JAK3: variants seen among roughly 807,000 people sequenced by gnomAD.
JAK3 encodes the protein tyrosine-protein kinase JAK3.
JAK3 carries 88 observed loss-of-function variants against 120.8 expected under a neutral mutation model. The observed-to-expected ratio is 0.73, with a 90% CI of 0.61 to 0.87. The LOEUF is 0.87. Among genes scored for constraint, JAK3 ranks in the 40% least tolerant of loss-of-function variants. JAK3 has a pLI of 0.00. For missense variants in JAK3, 1,254 were observed against 1,501.4 expected (o/e 0.84, Z 2.72); for synonymous variants, 592 against 628.6 (o/e 0.94, Z 0.87).
At position 17,831,853 on chromosome 19, in the gene JAK3, C is replaced by T; in HGVS notation, c.2681-55G>A. ...GCCCAGCCCTGCTCGTCCCCCCATT[C>T]TTCCCCCCTTTCACAGTGGGACCTT... On this transcript the variant is annotated intron_variant, in intron 19 of 23. Transcript: ENST00000458235. The surrounding 1 kb of genome is among the most constrained non-coding windows in gnomAD (Gnocchi z 5.1). The T allele has an allele frequency of 6.2e-7, 1 of 1,604,116 alleles. No homozygotes were observed. Among genetic ancestry groups the T allele is most frequent in the Non-Finnish European group, 8.5e-7 (1 of 1,174,330 alleles).
In JAK3 at chr19:17,831,152, A is replaced by AGGGGGCGGGGGCATGGCT; in HGVS notation, c.2978+58_2978+75dup. 1 of 1,314,346 alleles carries AGGGGGCGGGGGCATGGCT rather than the reference A, an allele frequency of 7.6e-7. No individual in the cohort carries two copies. The allele number at this position is 1,314,346 out of a possible 1,614,324, so 81.4% of individuals were successfully genotyped here. A position where few individuals can be genotyped will look rare whatever the true frequency, so the allele number is the denominator to read the frequency against. ...TAAGGCTGGGGAGCAAAGCAGCGGG[A>AGGGGGCGGGGGCATGGCT]GGGGGCGGGGGCATGGCTGGGGGCG... On this transcript the variant is annotated intron_variant, in intron 21 of 23. Transcript: ENST00000458235. The surrounding 1 kb of genome is among the most constrained non-coding windows in gnomAD (Gnocchi z 5.1).
chr19:17,837,101 G>T (rs2094225917), intron 13 of JAK3, 28 bp downstream of exon 13: 7 of 1,477,468 alleles, frequency 4.7e-6, no homozygotes, highest in Non-Finnish European at 6.5e-6. Context: ...TGAGGCAGGG[G>T]TGGGGTGGGT....
At position 17,826,473 on chromosome 19, in the gene JAK3, G is replaced by A. The variant is rs201072333; in HGVS notation, c.*270C>T. ...AGGGCTTAAGGGGTTGGGAAGATGC[G>A]AGAGTCTTAAATTTGGTTCCTTGCT... On this transcript the variant is annotated 3_prime_UTR_variant, in exon 24 of 24. Transcript: ENST00000458235. 21 of 529,730 alleles carry A rather than the reference G, an allele frequency of 4.0e-5. No individual in the cohort carries two copies. Among genetic ancestry groups the A allele is most frequent in the East Asian group, 9.5e-5 (3 of 31,534 alleles). 32.8% of individuals were successfully genotyped at this position (529,730 alleles called of 1,614,324 possible).
At chr19:17,833,542 G>GAAAA (rs58330868) in intron 17 of JAK3, among the ~76,000 whole-genome samples, 1 of 74,632 alleles carries the variant, frequency 1.3e-5, no homozygotes, top group Admixed American at 1.7e-4. Context: ...CCCCATCACA[G>GAAAA]AAAAAAAAAA....
chr19:17,831,114 G>A lies in JAK3; in HGVS notation c.2978+114C>T. On this transcript the variant is annotated intron_variant, in intron 21 of 23. Coordinates refer to ENST00000458235, the MANE Select transcript of JAK3 (RefSeq NM_000215.4). The surrounding 1 kb of genome is among the most constrained non-coding windows in gnomAD (Gnocchi z 5.1). ...TGGGAGGGGCCAAAGCTGCAGCGGA[G>A]GAAGGGCGGGGCTAAGGCTGGGGAG... The A allele has an allele frequency of 1.7e-6, 2 of 1,145,816 alleles. No homozygotes were observed. Among genetic ancestry groups the A allele is most frequent in the Non-Finnish European group, 2.5e-6 (2 of 810,934 alleles). 71.0% of individuals were successfully genotyped at this position (1,145,816 alleles called of 1,614,324 possible). A position where few individuals can be genotyped will look rare whatever the true frequency, so the allele number is the denominator to read the frequency against.
Position 17,840,314 on chromosome 19 carries a change from C to G in JAK3, c.1170G>C (p.Lys390Asn), listed in dbSNP as rs1194175039. ...AGGAGCCAGGACGTGAGCCCCCAGT[C>G]TTGAGCTTGTTGATGGCAAAGTCCA... The part of the protein sequence containing the change: ...ITLDFAINKL[K>N]TGGSRPGSYV... The change falls in exon 9 of 24, where the codon AAG becomes AAC. Residue 390 changes from lysine (K) to asparagine (N), a missense_variant. Coordinates refer to ENST00000458235, the MANE Select transcript of JAK3 (RefSeq NM_000215.4). 6.2e-7 allele frequency: 1 copy of G among 1,613,738 alleles called. No homozygotes were observed. The highest frequency in any genetic ancestry group is 2.2e-5 in the East Asian group (1 of 44,884).
chr19:17,834,510 C>T (rs1568402600), intron 17 of JAK3, 61 bp downstream of exon 17: 2 of 1,604,718 alleles, frequency 1.2e-6, no homozygotes, highest in African/African-American at 1.3e-5. Context: ...AAACCACGCT[C>T]CTTCCACTGG....
At chr19:17,829,881 C>A in intron 23 of JAK3, 1 of 616,256 alleles carries the variant, frequency 1.6e-6, no homozygotes, top group Non-Finnish European at 2.9e-6. Context: ...TCTTCCCTCA[C>A]CCTATAAGGC....
rs745373403 is a variant in JAK3, at chr19:17,840,325, T to C, written c.1159A>G (p.Asn387Asp). 6.2e-7 allele frequency: 1 copy of C among 1,613,444 alleles called. No individual in the cohort carries two copies. Among genetic ancestry groups the C allele is most frequent in the Non-Finnish European group, 8.5e-7 (1 of 1,179,642 alleles). ...HGPITLDFAI[N>D]KLKTGGSRPG... ...CGTGAGCCCCCAGTCTTGAGCTTGT[T>C]GATGGCAAAGTCCAGACTGTGGGGG... The change falls in exon 9 of 24, where the codon AAC becomes GAC. Residue 387 changes from asparagine to aspartate, a missense_variant. This residue lies in a region of JAK3 where 486 missense variants were observed against 503.0 expected (regional missense o/e 0.97). Transcript: ENST00000458235.
In JAK3 at chr19:17,841,562, G is replaced by T. The variant is rs754655050; in HGVS notation, c.985-16C>A. ...ACTCGGCCTCCTGCGAGGGACAAGC[G>T]TCAGAGCCCAGTGAAACCCGAGGGT... On this transcript the variant is annotated splice_polypyrimidine_tract_variant and intron_variant, in intron 7 of 23. Transcript: ENST00000458235. The surrounding 1 kb of genome is among the most constrained non-coding windows in gnomAD (Gnocchi z 4.1). 2 of 1,601,590 alleles carry T rather than the reference G, an allele frequency of 1.2e-6. No homozygotes were observed. Among genetic ancestry groups the T allele is most frequent in the East Asian group, 2.3e-5 (1 of 44,290 alleles).
chr19:17,832,467 A>G lies in JAK3; in HGVS notation c.2680+52T>C, dbSNP rs138631124. ...GCCTGGCAGGAGGGTAAGAATGTGC[A>G]CTTTGAAAAGCACCCATACGTCTTG... is the stretch of plus-strand genomic sequence containing the variant. On this transcript the variant is annotated intron_variant, in intron 19 of 23. Coordinates refer to ENST00000458235, the MANE Select transcript of JAK3 (RefSeq NM_000215.4). The surrounding 1 kb of genome is among the most constrained non-coding windows in gnomAD (Gnocchi z 4.7). 4.1e-3 allele frequency: 6,463 copies of G among 1,580,964 alleles called. 22 individuals are homozygous for G. The highest frequency in any genetic ancestry group is 6.1e-3 in the Middle Eastern group (37 of 6,024).
rs774617464 is a variant in JAK3, at chr19:17,840,341, A to C, written c.1143T>G (p.Thr381=). 1.2e-5 allele frequency: 20 copies of C among 1,605,536 alleles called. No individual in the cohort carries two copies. The highest frequency in any genetic ancestry group is 1.7e-5 in the Non-Finnish European group (20 of 1,172,638). ...TGAGCTTGTTGATGGCAAAGTCCAG[A>C]CTGTGGGGGAAGGTGAGAGGGAATG... ...EVAEQCHGPI[T]LDFAINKLKT... is the part of the protein sequence containing the mutation. The change falls in exon 9 of 24, where the codon ACT becomes ACG. Residue 381 remains threonine (T), a splice_region_variant and synonymous_variant. Transcript: ENST00000458235.
At chr19:17,836,628 T>TC in intron 13 of JAK3, 1 of 393,092 alleles carries the variant, frequency 2.5e-6, no homozygotes, top group Non-Finnish European at 4.8e-6. Context: ...AGAACACCCC[T>TC]CTTCCTTTCC....
Position 17,840,324 on chromosome 19 carries a change from T to G in JAK3, c.1160A>C (p.Asn387Thr), listed in dbSNP as rs1309348650. 1.9e-6 allele frequency: 3 copies of G among 1,613,294 alleles called. No individual in the cohort carries two copies. The East Asian group carries it at 6.7e-5, about 36-fold the overall frequency. ...ACGTGAGCCCCCAGTCTTGAGCTTG[T>G]TGATGGCAAAGTCCAGACTGTGGGG... ...HGPITLDFAI[N>T]KLKTGGSRPG... The change falls in exon 9 of 24, where the codon AAC becomes ACC. Residue 387 changes from asparagine (N) to threonine (T), a missense_variant. Asn to Thr is a moderately conservative substitution (Grantham distance 65). This residue lies in a region of JAK3 where 486 missense variants were observed against 503.0 expected (regional missense o/e 0.97). Coordinates refer to ENST00000458235, the MANE Select transcript of JAK3 (RefSeq NM_000215.4).
Position 17,842,697 on chromosome 19 carries a change from G to T in JAK3, c.567-87C>A. 5 of 1,367,342 alleles carry T rather than the reference G, an allele frequency of 3.7e-6. No individual in the cohort carries two copies. The highest frequency in any genetic ancestry group is 4.9e-6 in the Non-Finnish European group (5 of 1,021,832). The allele number at this position is 1,367,342 out of a possible 1,614,324, so 84.7% of individuals were successfully genotyped here. A position where few individuals can be genotyped will look rare whatever the true frequency, so the allele number is the denominator to read the frequency against. ...CACACAAACCCAGGCTTTAGCCCAG[G>T]GGCTGGGGTGCGGCCCTAGTTGGGG... On this transcript the variant is annotated intron_variant, in intron 5 of 23. Transcript: ENST00000458235. The surrounding 1 kb of genome is among the most constrained non-coding windows in gnomAD (Gnocchi z 6.4).
rs71164315 is a variant in JAK3, at chr19:17,839,738, CTTTTTTTTT to C, written c.1255-84_1255-76del. On this transcript the variant is annotated intron_variant, in intron 9 of 23. Transcript: ENST00000458235. ...TTCTCAGTCCTTCTTCCTTTTTTTT[CTTTTTTTTT>C]TTTTTTTTTTGGAGACGGAGTCTGG... 6.7e-3 allele frequency: 5,310 copies of C among 796,154 alleles called. 29 individuals carry two copies. The highest frequency in any genetic ancestry group is 8.2e-3 in the Non-Finnish European group (4,301 of 525,188). The allele number at this position is 796,154 out of a possible 1,614,324, so 49.3% of individuals were successfully genotyped here.
chr19:17,843,646 C>G lies in JAK3; in HGVS notation c.308+131G>C. ...TGTGACCTTGGGCAAGTGACCCACC[C>G]TCTCTGGTCTGTTTCCTCATCTGAG... On this transcript the variant is annotated intron_variant, in intron 3 of 23. Coordinates refer to ENST00000458235, the MANE Select transcript of JAK3 (RefSeq NM_000215.4). The surrounding 1 kb of genome is among the most constrained non-coding windows in gnomAD (Gnocchi z 5.4). 4 of 1,336,500 alleles carry G rather than the reference C, an allele frequency of 3.0e-6. No individual in the cohort carries two copies. The highest frequency in any genetic ancestry group is 4.3e-6 in the Non-Finnish European group (4 of 929,238). The allele number at this position is 1,336,500 out of a possible 1,614,324, so 82.8% of individuals were successfully genotyped here.
intron 17 of JAK3, among the ~76,000 whole-genome samples, chr19:17,833,825 C>T (rs1472033544): frequency 6.6e-6 from 1 of 151,890 alleles, no homozygotes; most frequent in African/African-American, 2.4e-5. Flanking sequence ...TGCACTCCAG[C>T]CTAGGTGACA....
At chr19:17,837,711 G>A (rs527562804) in intron 12 of JAK3, among the ~76,000 whole-genome samples, 24 of 150,860 alleles carry the variant, frequency 1.6e-4, no homozygotes, top group Admixed American at 4.6e-4. Context: ...CACCGCGCCC[G>A]GCCTAAAATT....
Sources: allele counts gnomAD v4.1 joint callset (sites outside exome capture counted in the v4.1 genomes callset), GRCh38; gene constraint gnomAD v4.1.1; regional missense constraint gnomAD v4.1.1; non-coding constraint Gnocchi (gnomAD v3.1); transcripts MANE v1.5; gene names NCBI Gene and HGNC (gene_info 2026-07-23, HGNC 2026-07-21).